DCDC2: variants seen among roughly 807,000 people sequenced by gnomAD.
The protein encoded by DCDC2 is doublecortin domain-containing protein 2.
Under a neutral mutation model 50.2 loss-of-function variants are expected in DCDC2, and 40 were observed. The observed-to-expected ratio is 0.80, with a 90% confidence interval of 0.62 to 1.04. The LOEUF (loss-of-function observed/expected upper bound fraction) is 1.04. Ranked by LOEUF, DCDC2 falls within the 50% of genes least tolerant of loss-of-function variation. DCDC2 has a pLI of 0.00. For missense variants in DCDC2, 570 were observed against 581.9 expected (o/e 0.98, Z 0.21); for synonymous variants, 234 against 210.6 (o/e 1.11, Z -0.96).
intron 2 of DCDC2, among the ~76,000 whole-genome samples, chr6:24,326,221 G>A (rs1485950395): frequency 6.8e-6 from 1 of 146,730 alleles, no homozygotes; most frequent in Non-Finnish European, 1.5e-5. Flanking sequence ...AATGAAGGAA[G>A]GAAGGAAGGA....
upstream of DCDC2, among the ~76,000 whole-genome samples, chr6:24,360,683 A>G (rs571644815): frequency 3.9e-5 from 6 of 152,280 alleles, no homozygotes; most frequent in East Asian, 1.2e-3. Context: ...TGTTTCCTTC[A>G]TTCCTCCTAA....
chr6:24,293,416 A>G (rs1763795027), intron 4 of DCDC2, among the ~76,000 whole-genome samples: 1 of 152,228 alleles, frequency 6.6e-6, no homozygotes, highest in Non-Finnish European at 1.5e-5. Flanking sequence ...TTAACGTTAA[A>G]GGAAAACGGT....
chr6:24,291,483 T>C (rs1223551655), intron 4 of DCDC2, among the ~76,000 whole-genome samples: 2 of 98,278 alleles, frequency 2.0e-5, no homozygotes, highest in Non-Finnish European at 4.2e-5. Context: ...AATACTTTTT[T>C]TTTTTTTTTT....
At position 24,271,539 on chromosome 6, in the gene DCDC2, C is replaced by T. The variant is rs763382771; in HGVS notation, c.922+6510G>A. 1.2e-3 allele frequency among the ~76,000 whole-genome samples: 179 copies of T among 152,150 alleles called. 3 individuals carry two copies. Among genetic ancestry groups the T allele is most frequent in the Admixed American group, 5.2e-4 (8 of 15,282 alleles). On this transcript the variant is annotated intron_variant, in intron 7 of 9. Transcript: ENST00000378454. ...CCGAGTAACTCCAGGTCTGGCTCCTCCAGCTCTGCATTCCTCTCAGACCCA... is the reference window on the plus strand; with the variant it reads ...CCGAGTAACTCCAGGTCTGGCTCCTTCAGCTCTGCATTCCTCTCAGACCCA...
intron 6 of DCDC2, among the ~76,000 whole-genome samples, chr6:24,287,055 G>T (rs1004047097): frequency 6.6e-6 from 1 of 152,156 alleles, no homozygotes; most frequent in Non-Finnish European, 1.5e-5. Context: ...CTCCCAAAAT[G>T]GACTCAGATT....
chr6:24,251,071 G>A (rs983380803), intron 7 of DCDC2, among the ~76,000 whole-genome samples: 11 of 152,158 alleles, frequency 7.2e-5, no homozygotes, highest in African/African-American at 2.4e-4. Context: ...ATTAAAATTT[G>A]TAAATTGTTG....
At chr6:24,189,290 A>G (rs1284694081) in intron 8 of DCDC2, among the ~76,000 whole-genome samples, 1 of 152,174 alleles carries the variant, frequency 6.6e-6, no homozygotes, top group African/African-American at 2.4e-5. Context: ...TTTTCTAGAG[A>G]ATATGCATGC....
chr6:24,208,397 G>T (rs1268084232), intron 7 of DCDC2, among the ~76,000 whole-genome samples: 7 of 124,442 alleles, frequency 5.6e-5, no homozygotes, highest in African/African-American at 1.9e-4. Context: ...TTGAGATGGA[G>T]TCTCACTCTG....
chr6:24,359,121 A>AT (rs1440695420), upstream of DCDC2, among the ~76,000 whole-genome samples: 1 of 71,518 alleles, frequency 1.4e-5, no homozygotes, highest in African/African-American at 6.6e-5. Context: ...TATATTATAT[A>AT]TATTATATAT....
chr6:24,289,296 A>G (rs1316043971), intron 5 of DCDC2, among the ~76,000 whole-genome samples: 1 of 152,212 alleles, frequency 6.6e-6, no homozygotes, highest in Non-Finnish European at 1.5e-5. Flanking sequence ...GATGTCTTCT[A>G]TGTCTACCTC....
At chr6:24,316,521 A>G (rs887952061) in intron 2 of DCDC2, among the ~76,000 whole-genome samples, 2 of 152,178 alleles carry the variant, frequency 1.3e-5, no homozygotes, top group Admixed American at 1.3e-4. Flanking sequence ...CCAAATTCAG[A>G]GTGCTTTAAG....
rs919124775 is a variant in DCDC2 at position 24,271,224 on chromosome 6, A to AAAAAAAAAAAAG, written c.922+6824_922+6825insCTTTTTTTTTTT. 5.0e-3 allele frequency among the ~76,000 whole-genome samples: 711 copies of AAAAAAAAAAAAG among 142,824 alleles called. 15 individuals are homozygous for AAAAAAAAAAAAG. Among genetic ancestry groups the AAAAAAAAAAAAG allele is most frequent in the African/African-American group, 0.015 (545 of 36,942 alleles). 93.7% of individuals were successfully genotyped at this position (142,824 alleles called of 152,430 possible). A position where few individuals can be genotyped will look rare whatever the true frequency, so the allele number is the denominator to read the frequency against. ...CACTCCCTCAAAAAAAAAAAAAAAA[A>AAAAAAAAAAAAG]AGAGAGAGAGAGAGAGAAAGAAAGA... On this transcript the variant is annotated intron_variant, in intron 7 of 9. Transcript: ENST00000378454.
Position 24,357,591 on chromosome 6 carries a change from C to A in DCDC2, c.160G>T (p.Gly54Cys). 1 of 1,613,498 alleles carries A rather than the reference C, an allele frequency of 6.2e-7. No individual in the cohort carries two copies. The highest frequency in any genetic ancestry group is 8.5e-7 in the Non-Finnish European group (1 of 1,180,030). The change falls in exon 1 of 10, where the codon GGC becomes TGC. Residue 54 changes from glycine to cysteine, a missense_variant. Transcript: ENST00000378454. ...ACGGCCCCAAAGGGTGCCTGAACGCCGCCGGTCACCTCCTTCAGGAAGACT... is the reference window on the plus strand; with the variant it reads ...ACGGCCCCAAAGGGTGCCTGAACGCAGCCGGTCACCTCCTTCAGGAAGACT... Reference protein sequence around the residue: ...FEVFLKEVTGGVQAPFGAVRN... With the variant: ...FEVFLKEVTGCVQAPFGAVRN...
intron 7 of DCDC2, among the ~76,000 whole-genome samples, chr6:24,212,717 A>G (rs1214585596): frequency 1.3e-5 from 2 of 152,218 alleles, no homozygotes; most frequent in African/African-American, 2.4e-5. Context: ...TTTGAACGTG[A>G]ACAGACATTT....
chr6:24,350,728 C>CA (rs1472530036), intron 2 of DCDC2, among the ~76,000 whole-genome samples: 1 of 152,110 alleles, frequency 6.6e-6, no homozygotes, highest in Admixed American at 6.5e-5. Context: ...AAATCCACTT[C>CA]AAAAATAATT....
intron 8 of DCDC2, among the ~76,000 whole-genome samples, chr6:24,192,718 A>T (rs947205355): frequency 6.6e-6 from 1 of 152,044 alleles, no homozygotes. Flanking sequence ...ATTTTTTTTC[A>T]GTGAGAAAGT....
chr6:24,245,173 G>A lies in DCDC2; in HGVS notation c.922+32876C>T, dbSNP rs554245685. ...CATGCCACTGCACTCCAGCCTTGGC[G>A]ACAGAGGGAAACTCCATCTCAGAAA... On this transcript the variant is annotated intron_variant, in intron 7 of 9. Coordinates refer to ENST00000378454, the MANE Select transcript of DCDC2 (RefSeq NM_016356.5). 1.8e-3 allele frequency among the ~76,000 whole-genome samples: 274 copies of A among 152,306 alleles called. 1 individual carries two copies. Among genetic ancestry groups the A allele is most frequent in the Non-Finnish European group, 1.9e-3 (131 of 68,034 alleles).
At chr6:24,252,190 C>T (rs1762807838) in intron 7 of DCDC2, among the ~76,000 whole-genome samples, 1 of 152,214 alleles carries the variant, frequency 6.6e-6, no homozygotes, top group African/African-American at 2.4e-5. Context: ...CCCTACAAAG[C>T]CATTCCAGCC....
chr6:24,302,038 GT>G lies in DCDC2; in HGVS notation c.354del (p.Lys118AsnfsTer3). The G allele has an allele frequency of 6.2e-7, 1 of 1,609,700 alleles. No homozygotes were observed. The highest frequency in any genetic ancestry group is 8.5e-7 in the Non-Finnish European group (1 of 1,178,658). On this transcript the variant is annotated frameshift_variant, in exon 3 of 10. Coordinates refer to ENST00000378454, the MANE Select transcript of DCDC2 (RefSeq NM_016356.5). LOFTEE classifies it high-confidence loss of function. ...ACGTTGATCCTGCTATGGATTACTGGTTTTACCTTTAAAAGCAAAGGAAAAA... is the reference window on the plus strand; with the variant it reads ...ACGTTGATCCTGCTATGGATTACTGGTTTACCTTTAAAAGCAAAGGAAAAA... Reference protein sequence around the residue: ...RPMEVVNTEVKPVIHSRINVS... With the variant: ...RPMEVVNTEVXPVIHSRINVS...
Sources: allele counts gnomAD v4.1 joint callset (sites outside exome capture counted in the v4.1 genomes callset), GRCh38; gene constraint gnomAD v4.1.1; transcripts MANE v1.5; gene names NCBI Gene and HGNC (gene_info 2026-07-23, HGNC 2026-07-21).